BAG4: variants seen among roughly 807,000 people sequenced by gnomAD.
The protein encoded by BAG4 is BAG cochaperone 4.
BAG4 carries 28 observed loss-of-function variants against 52.1 expected under a neutral mutation model. The ratio of observed to expected loss-of-function variants is 0.54; its 90% CI spans 0.40 to 0.74. The LOEUF (loss-of-function observed/expected upper bound fraction) is 0.74, where lower values mean the gene tolerates loss of function less well. Among genes scored for constraint, BAG4 ranks in the 30% least tolerant of loss-of-function variants. The pLI is 0.00. For synonymous variants in BAG4, 208 were observed against 217.0 expected (o/e 0.96, Z 0.37); for missense variants, 525 against 572.0 (o/e 0.92, Z 0.84).
chr8:38,180,647 TA>T lies in BAG4; in HGVS notation c.270+3515del, dbSNP rs968987227. Among the ~76,000 whole-genome samples the T allele has an allele frequency of 1.4e-3, 214 of 152,068 alleles. 2 individuals carry two copies. The highest frequency in any genetic ancestry group is 2.2e-3 in the Non-Finnish European group (151 of 68,000). On this transcript the variant is annotated intron_variant, in intron 1 of 4. Coordinates refer to ENST00000287322, the MANE Select transcript of BAG4 (RefSeq NM_004874.4). ...TTTTTATAGTATACATCTGTCAAAT[TA>T]AAAAAACAAACAGTATAGGAACCTT...
chr8:38,189,835 T>G (rs936591007), intron 1 of BAG4, among the ~76,000 whole-genome samples: 1 of 152,232 alleles, frequency 6.6e-6, no homozygotes, highest in Non-Finnish European at 1.5e-5. Context: ...GTTGTTGTTT[T>G]GAGACGGAGT....
intron 2 of BAG4, among the ~76,000 whole-genome samples, chr8:38,199,130 T>G (rs551682619): frequency 6.6e-6 from 1 of 152,370 alleles, no homozygotes; most frequent in African/African-American, 2.4e-5. Flanking sequence ...TAATTGTATG[T>G]GTTATATACA....
intron 2 of BAG4, chr8:38,204,073 T>A (rs528427582): frequency 6.6e-6 from 1 of 152,208 alleles, no homozygotes; most frequent in Non-Finnish European, 1.5e-5. Flanking sequence ...AAGGCTGTTA[T>A]ATAATCTGAT....
At chr8:38,204,929 C>G (rs1172804634) in intron 2 of BAG4, among the ~76,000 whole-genome samples, 1 of 151,894 alleles carries the variant, frequency 6.6e-6, no homozygotes. Context: ...TGTTTTTAAA[C>G]ATTTTTAATT....
rs778708821 is a variant in BAG4, at chr8:38,207,538, G to A, written c.405G>A (p.Ala135=). The change falls in exon 3 of 5, where the codon GCG becomes GCA. Residue 135 remains alanine (A), a synonymous_variant. Coordinates refer to ENST00000287322, the MANE Select transcript of BAG4 (RefSeq NM_004874.4). The part of the protein sequence containing the change: ...GQSLNSYTNG[A]YGPTYPPGPG... Reference sequence around the variant, plus strand: ...GTTTGAATTCTTATACAAATGGAGCGTATGGTCCAACATACCCCCCAGGCC... The same window carrying A: ...GTTTGAATTCTTATACAAATGGAGCATATGGTCCAACATACCCCCCAGGCC... 10 of 1,613,194 alleles carry A rather than the reference G, an allele frequency of 6.2e-6. No individual in the cohort carries two copies. The highest frequency in any genetic ancestry group is 4.0e-5 in the African/African-American group (3 of 74,800).
Position 38,194,409 on chromosome 8 carries a change from CTTTTTTTTTTTT to C in BAG4, c.378+1628_378+1639del, listed in dbSNP as rs750931003. On this transcript the variant is annotated intron_variant, in intron 2 of 4. Coordinates refer to ENST00000287322, the MANE Select transcript of BAG4 (RefSeq NM_004874.4). ...TGGAATTTTTGGGTTTAGGTGTGTA[CTTTTTTTTTTTT>C]TTTTTTTTTTTTTGAGATAGAGTCT... 2.0e-4 allele frequency among the ~76,000 whole-genome samples: 16 copies of C among 78,618 alleles called. No individual in the cohort carries two copies. In the Admixed American group the frequency reaches 2.1e-3, roughly 10 times the overall value. The allele number at this position is 78,618 out of a possible 152,430, so 51.6% of individuals were successfully genotyped here.
In BAG4 at chr8:38,210,907, A is replaced by G. The variant is rs1803857654; in HGVS notation, c.*414A>G. ...TGGATATCTTGTCACATTTTTGTAC[A>G]TTGTGACTGCTTTCAACATATACTT... is the stretch of plus-strand genomic sequence containing the variant. On this transcript the variant is annotated 3_prime_UTR_variant, in exon 5 of 5. Transcript: ENST00000287322. The G allele has an allele frequency of 2.5e-5, 4 of 159,800 alleles. No homozygotes were observed. Among genetic ancestry groups the G allele is most frequent in the Admixed American group, 1.2e-4 (2 of 16,382 alleles). 9.9% of individuals were successfully genotyped at this position (159,800 alleles called of 1,614,324 possible). A position where few individuals can be genotyped will look rare whatever the true frequency, so the allele number is the denominator to read the frequency against.
Position 38,177,072 on chromosome 8 carries a change from G to A in BAG4, c.203G>A (p.Gly68Glu). Residue 68 changes from glycine (G) to glutamate (E), a missense_variant, in exon 1 of 5, where the codon GGA becomes GAA. Physicochemically the swap from Gly to Glu is moderately conservative, Grantham distance 98. This residue lies in a region of BAG4 where 287 missense variants were observed against 266.1 expected (regional missense o/e 1.08). Coordinates refer to ENST00000287322, the MANE Select transcript of BAG4 (RefSeq NM_004874.4). ...AETTWLGEGG[G>E]GDGYYPSGGA... ...ACCACCTGGCTGGGAGAAGGCGGAG[G>A]AGGCGATGGCTACTATCCCTCGGGA... 6.2e-7 allele frequency: 1 copy of A among 1,612,046 alleles called. No homozygotes were observed.
intron 2 of BAG4, among the ~76,000 whole-genome samples, chr8:38,205,134 G>A (rs1478276602): frequency 6.7e-6 from 1 of 150,256 alleles, no homozygotes; most frequent in Non-Finnish European, 1.5e-5. Context: ...AGGCTCAAAC[G>A]ATCCTCCTGC....
intron 1 of BAG4, among the ~76,000 whole-genome samples, chr8:38,186,446 GTA>G (rs1486898965): frequency 6.6e-6 from 1 of 152,198 alleles, no homozygotes; most frequent in East Asian, 1.9e-4. Flanking sequence ...AAGGAACAAA[GTA>G]TGGAGAAGCT....
chr8:38,179,794 C>T (rs1803233639), intron 1 of BAG4, among the ~76,000 whole-genome samples: 1 of 151,818 alleles, frequency 6.6e-6, no homozygotes, highest in Non-Finnish European at 1.5e-5. Context: ...AAGAAAGATC[C>T]ATATTTTCTC....
At chr8:38,183,656 G>C (rs542555621) in intron 1 of BAG4, among the ~76,000 whole-genome samples, 50 of 152,104 alleles carry the variant, frequency 3.3e-4, no homozygotes, top group African/African-American at 1.0e-3. Flanking sequence ...CTTGGCTTCT[G>C]ATTCCTTTGG....
At chr8:38,194,038 G>A (rs1438255898) in intron 2 of BAG4, among the ~76,000 whole-genome samples, 1 of 151,658 alleles carries the variant, frequency 6.6e-6, no homozygotes, top group Non-Finnish European at 1.5e-5. Flanking sequence ...CGCCCGGCCA[G>A]TTTTTGGATT....
At chr8:38,204,329 G>A (rs1803733018) in intron 2 of BAG4, 1 of 152,316 alleles carries the variant, frequency 6.6e-6, no homozygotes, top group Non-Finnish European at 1.5e-5. Flanking sequence ...AGATCAGCCT[G>A]GGCAACATGG....
At chr8:38,197,898 T>G (rs1803590047) in intron 2 of BAG4, among the ~76,000 whole-genome samples, 2 of 151,808 alleles carry the variant, frequency 1.3e-5, no homozygotes, top group African/African-American at 4.8e-5. Context: ...CAGGGTTTCA[T>G]CATGTTGGCC....
intron 1 of BAG4, among the ~76,000 whole-genome samples, chr8:38,183,421 C>T (rs1235244767): frequency 2.0e-5 from 3 of 152,110 alleles, no homozygotes; most frequent in Non-Finnish European, 4.4e-5. Context: ...CTCCTGCCGA[C>T]TCAAAAGTTA....
intron 2 of BAG4, chr8:38,201,588 C>A (rs1275407361): frequency 6.6e-6 from 1 of 151,846 alleles, no homozygotes; most frequent in East Asian, 1.9e-4. Flanking sequence ...CAGGCGTGAG[C>A]CATTGCACTT....
chr8:38,204,643 A>G (rs1256157929), intron 2 of BAG4, among the ~76,000 whole-genome samples: 3 of 152,150 alleles, frequency 2.0e-5, no homozygotes, highest in African/African-American at 7.2e-5. Flanking sequence ...GAAAAACAAC[A>G]ACAACGAAAA....
intron 2 of BAG4, among the ~76,000 whole-genome samples, chr8:38,200,407 T>A (rs1327119991): frequency 6.6e-6 from 1 of 152,136 alleles, no homozygotes; most frequent in Non-Finnish European, 1.5e-5. Flanking sequence ...TACCAAACTG[T>A]TTTGATTACT....
Sources: allele counts gnomAD v4.1 joint callset (sites outside exome capture counted in the v4.1 genomes callset), GRCh38; gene constraint gnomAD v4.1.1; regional missense constraint gnomAD v4.1.1; transcripts MANE v1.5; gene names NCBI Gene and HGNC (gene_info 2026-07-23, HGNC 2026-07-21).